The following CDKAL1 variants were observed in gnomAD, a reference collection of about 807,000 sequenced individuals.
CDKAL1 encodes CDKAL1 threonylcarbamoyladenosine tRNA methylthiotransferase.
A neutral mutation model predicts 68.2 loss-of-function variants in CDKAL1; 32 were observed. The ratio of observed to expected loss-of-function variants is 0.47; its 90% CI spans 0.35 to 0.63. The LOEUF (loss-of-function observed/expected upper bound fraction) is 0.63. CDKAL1 is among the 30% of genes least tolerant of loss of function. The pLI, the probability that CDKAL1 is intolerant of heterozygous loss-of-function variation, is 0.00. For synonymous variants in CDKAL1, 234 were observed against 244.3 expected (o/e 0.96, Z 0.39); for missense variants, 606 against 696.7 (o/e 0.87, Z 1.47).
chr6:20,904,766 G>A (rs1364560928), intron 9 of CDKAL1, among the ~76,000 whole-genome samples: 1 of 149,730 alleles, frequency 6.7e-6, no homozygotes, highest in Non-Finnish European at 1.5e-5. Context: ...TCCAGCCTGG[G>A]CAACAAGAGC....
intron 13 of CDKAL1, among the ~76,000 whole-genome samples, chr6:21,144,413 C>T (rs1582293074): frequency 6.6e-6 from 1 of 152,078 alleles, no homozygotes; most frequent in South Asian, 2.1e-4. Context: ...CTGTGGTCAG[C>T]GGAGTGCAGT....
intron 11 of CDKAL1, among the ~76,000 whole-genome samples, chr6:21,043,229 G>A (rs1770031573): frequency 6.6e-6 from 1 of 152,070 alleles, no homozygotes; most frequent in South Asian, 2.1e-4. Context: ...CATGATATTG[G>A]TTAAATTATC....
rs141467539 is a variant in CDKAL1, at chr6:20,607,414, G to A, written c.287-41879G>A. On this transcript the variant is annotated intron_variant, in intron 4 of 15. Coordinates refer to ENST00000274695, the MANE Select transcript of CDKAL1 (RefSeq NM_017774.3). ...TAGACTATCATAGATTTTTATATCAGTTGGCATCTGGAGTCACAATGTAAA... is the reference window on the plus strand; with the variant it reads ...TAGACTATCATAGATTTTTATATCAATTGGCATCTGGAGTCACAATGTAAA... 1.4e-3 allele frequency among the ~76,000 whole-genome samples: 210 copies of A among 152,220 alleles called. 1 individual carries two copies. The highest frequency in any genetic ancestry group is 4.9e-3 in the African/African-American group (203 of 41,526).
At chr6:20,816,795 T>TG (rs1777065737) in intron 8 of CDKAL1, among the ~76,000 whole-genome samples, 1 of 152,172 alleles carries the variant, frequency 6.6e-6, no homozygotes, top group Non-Finnish European at 1.5e-5. Flanking sequence ...AGAACATATC[T>TG]GGTCATTTTT....
chr6:20,731,464 A>C (rs898828134), intron 5 of CDKAL1, among the ~76,000 whole-genome samples: 6 of 152,160 alleles, frequency 3.9e-5, no homozygotes, highest in Non-Finnish European at 5.9e-5. Flanking sequence ...GTGTGAGAGA[A>C]GTTAAGAGTA....
intron 13 of CDKAL1, among the ~76,000 whole-genome samples, chr6:21,192,544 T>TTCAGAGAGCTACACTCAAGTTACTACAA (rs1554194376): frequency 6.6e-6 from 1 of 152,126 alleles, no homozygotes; most frequent in African/African-American, 2.4e-5. Flanking sequence ...TGTCCCTTAC[T>TTCAGAGAGCTACACTCAAGTTACTACAA]TCAGAGAGCT....
rs1767744313 is a variant in CDKAL1, at chr6:21,006,647, T to A, written c.1055+6275T>A. 5.9e-5 allele frequency among the ~76,000 whole-genome samples: 9 copies of A among 152,312 alleles called. No homozygotes were observed. The South Asian group carries it at 1.9e-3, about 32-fold the overall frequency. ...TATTTAGCAGAAAAACATATTTACT[T>A]TTTTTTCCTTCTCCAGTGTGTTGTT... On this transcript the variant is annotated intron_variant, in intron 11 of 15. Coordinates refer to ENST00000274695, the MANE Select transcript of CDKAL1 (RefSeq NM_017774.3).
chr6:20,810,421 CACACACACACACACACACACACACGT>C (rs1776756728), intron 8 of CDKAL1, among the ~76,000 whole-genome samples: 1 of 149,258 alleles, frequency 6.7e-6, no homozygotes, highest in East Asian at 2.0e-4. Flanking sequence ...CACACACACA[CACACACACACACACACACACACACGT>C]GGTGTCATGT....
At chr6:20,887,064 A>T (rs950404323) in intron 9 of CDKAL1, among the ~76,000 whole-genome samples, 1 of 152,244 alleles carries the variant, frequency 6.6e-6, no homozygotes, top group African/African-American at 2.4e-5. Flanking sequence ...ACCAAAATGT[A>T]CATTAAAAGT....
At position 20,594,579 on chromosome 6, in the gene CDKAL1, A is replaced by G. The variant is rs1360837086; in HGVS notation, c.286+45874A>G. Among the ~76,000 whole-genome samples, 3 of 152,050 alleles carry G rather than the reference A, an allele frequency of 2.0e-5. No individual in the cohort carries two copies. In the East Asian group the frequency reaches 5.8e-4, roughly 29 times the overall value. On this transcript the variant is annotated intron_variant, in intron 4 of 15. Transcript: ENST00000274695. ...ATTTTGAGCCTATGTGTGTCTTTGCATGTGAGATGGGTCTCCTGAATACAG... is the reference window on the plus strand; with the variant it reads ...ATTTTGAGCCTATGTGTGTCTTTGCGTGTGAGATGGGTCTCCTGAATACAG...
intron 4 of CDKAL1, among the ~76,000 whole-genome samples, chr6:20,642,096 C>G (rs11968248): frequency 0.019 from 2,958 of 151,814 alleles, 94 homozygotes; most frequent in African/African-American, 0.066. Context: ...TAAAATTATG[C>G]GAGATCAATG....
At chr6:20,651,393 C>G (rs965288569) in intron 5 of CDKAL1, among the ~76,000 whole-genome samples, 9 of 152,078 alleles carry the variant, frequency 5.9e-5, no homozygotes, top group Non-Finnish European at 1.0e-4. Context: ...GTGATTTTTG[C>G]ACATTGATTT....
At chr6:20,887,209 C>G (rs1467322881) in intron 9 of CDKAL1, among the ~76,000 whole-genome samples, 1 of 152,176 alleles carries the variant, frequency 6.6e-6, no homozygotes, top group African/African-American at 2.4e-5. Context: ...AACTGGAATT[C>G]TCATACATTG....
At chr6:21,157,042 G>A (rs148449753) in intron 13 of CDKAL1, among the ~76,000 whole-genome samples, 264 of 152,310 alleles carry the variant, frequency 1.7e-3, no homozygotes, top group African/African-American at 5.7e-3. Flanking sequence ...CTACTGTGAT[G>A]CTTAGAGAGA....
chr6:21,062,408 A>G (rs1403285961), intron 11 of CDKAL1, among the ~76,000 whole-genome samples: 1 of 152,232 alleles, frequency 6.6e-6, no homozygotes, highest in African/African-American at 2.4e-5. Flanking sequence ...GCTTTAGTCT[A>G]CAAAAATGGT....
At chr6:20,902,358 C>CAA (rs1554138099) in intron 9 of CDKAL1, among the ~76,000 whole-genome samples, 2,606 of 25,478 alleles carry the variant, frequency 0.1, 62 homozygotes, top group Non-Finnish European at 0.14. Context: ...CACACACACA[C>CAA]AATGTGTTTA....
rs568486669 is a variant in CDKAL1, at chr6:20,642,655, C to T, written c.287-6638C>T. 1.2e-4 allele frequency among the ~76,000 whole-genome samples: 19 copies of T among 152,110 alleles called. No individual in the cohort carries two copies. In the South Asian group the frequency reaches 3.5e-3, roughly 28 times the overall value. On this transcript the variant is annotated intron_variant, in intron 4 of 15. Coordinates refer to ENST00000274695, the MANE Select transcript of CDKAL1 (RefSeq NM_017774.3). ...CTGCAGGTAAAGGGCACTCACAGGC[C>T]CTGCTCATGGGAGTGCAAAGTGGCA...
At chr6:21,052,736 G>T (rs1020007488) in intron 11 of CDKAL1, among the ~76,000 whole-genome samples, 1 of 151,884 alleles carries the variant, frequency 6.6e-6, no homozygotes, top group Non-Finnish European at 1.5e-5. Flanking sequence ...CTTCTTGGCC[G>T]GGTGCAGTTG....
chr6:20,854,096 C>T (rs1312805164), intron 9 of CDKAL1, among the ~76,000 whole-genome samples: 1 of 152,150 alleles, frequency 6.6e-6, no homozygotes, highest in Non-Finnish European at 1.5e-5. Context: ...CCACATGGTC[C>T]CTGTCTTTAA....
Sources: allele counts gnomAD v4.1 joint callset (sites outside exome capture counted in the v4.1 genomes callset), GRCh38; gene constraint gnomAD v4.1.1; transcripts MANE v1.5; gene names NCBI Gene and HGNC (gene_info 2026-07-23, HGNC 2026-07-21).